The following ROBO2 variants were observed in gnomAD, a reference collection of about 807,000 sequenced individuals.
The protein encoded by ROBO2 is roundabout homolog 2.
In ROBO2, 53 loss-of-function variants were observed where a neutral mutation model predicts 160.8. The observed-to-expected ratio is 0.33, with a 90% CI of 0.26 to 0.41. The LOEUF (loss-of-function observed/expected upper bound fraction) is 0.41, where lower values mean the gene tolerates loss of function less well. Ranked by LOEUF, ROBO2 falls within the 10% of genes least tolerant of loss-of-function variation. The pLI is 1.00. For missense variants in ROBO2, 1,577 were observed against 1,722.4 expected (o/e 0.92, Z 1.49); for synonymous variants, 664 against 611.7 (o/e 1.09, Z -1.26).
intron 2 of ROBO2, among the ~76,000 whole-genome samples, chr3:76,161,549 A>G (rs2072640257): frequency 6.6e-6 from 1 of 152,134 alleles, no homozygotes; most frequent in African/African-American, 2.4e-5. Flanking sequence ...CCCTGCTAAG[A>G]GTGCTCTCAG....
At chr3:77,188,869 A>C (rs2081528928) in intron 2 of ROBO2, among the ~76,000 whole-genome samples, 1 of 151,834 alleles carries the variant, frequency 6.6e-6, no homozygotes. Context: ...ATATTTTCAA[A>C]CAATGCTTGG....
intron 2 of ROBO2, among the ~76,000 whole-genome samples, chr3:76,524,826 T>TAAAAAA (rs58091252): frequency 1.9e-3 from 42 of 21,720 alleles, no homozygotes; most frequent in Non-Finnish European, 2.8e-3. Context: ...CTCTTATTCC[T>TAAAAAA]AAAAAAAAAA....
chr3:77,330,499 C>T (rs1482538444), intron 2 of ROBO2, among the ~76,000 whole-genome samples: 1 of 152,112 alleles, frequency 6.6e-6, no homozygotes, highest in African/African-American at 2.4e-5. Context: ...GCCTGGGCAA[C>T]AGAGTGATTT....
intron 17 of ROBO2, among the ~76,000 whole-genome samples, chr3:77,589,576 G>T (rs1474829741): frequency 6.6e-6 from 1 of 152,060 alleles, no homozygotes; most frequent in African/African-American, 2.4e-5. Context: ...GAAGACCCTA[G>T]ATGGTCTACA....
intron 2 of ROBO2, among the ~76,000 whole-genome samples, chr3:76,919,168 G>A (rs1203749420): frequency 1.3e-5 from 2 of 151,866 alleles, no homozygotes; most frequent in Non-Finnish European, 2.9e-5. Flanking sequence ...TGCACATTCT[G>A]CACATGTACC....
chr3:76,190,328 A>G (rs1012400939), intron 2 of ROBO2, among the ~76,000 whole-genome samples: 1 of 152,126 alleles, frequency 6.6e-6, no homozygotes, highest in African/African-American at 2.4e-5. Flanking sequence ...TCTCTTTTAA[A>G]TTAATATTGA....
chr3:77,121,667 T>C (rs2074786728), intron 2 of ROBO2, among the ~76,000 whole-genome samples: 1 of 152,152 alleles, frequency 6.6e-6, no homozygotes, highest in Non-Finnish European at 1.5e-5. Flanking sequence ...CACCATGCTC[T>C]GTTGAAATTT....
At chr3:76,038,795 T>A (rs2067195988) in intron 2 of ROBO2, among the ~76,000 whole-genome samples, 1 of 48,672 alleles carries the variant, frequency 2.1e-5, no homozygotes, top group African/African-American at 1.5e-4. Context: ...TGTGTGTATG[T>A]ATGTGTGTGT....
At chr3:76,810,255 G>T (rs78775059) in intron 2 of ROBO2, among the ~76,000 whole-genome samples, 3 of 152,064 alleles carry the variant, frequency 2.0e-5, no homozygotes, top group African/African-American at 4.8e-5. Flanking sequence ...GGCAGTCAAC[G>T]TCCTAAGGAA....
chr3:77,125,254 C>A (rs1302136187), intron 2 of ROBO2, among the ~76,000 whole-genome samples: 2 of 152,132 alleles, frequency 1.3e-5, no homozygotes, highest in East Asian at 3.9e-4. Flanking sequence ...CAATCACAGT[C>A]ACATGAGTGT....
chr3:76,446,050 C>A (rs1320288157), intron 2 of ROBO2, among the ~76,000 whole-genome samples: 1 of 152,014 alleles, frequency 6.6e-6, no homozygotes, highest in East Asian at 1.9e-4. Flanking sequence ...GGCAATCAGG[C>A]AGGAGAAAGA....
At chr3:77,291,039 G>C (rs559392650) in intron 2 of ROBO2, among the ~76,000 whole-genome samples, 136 of 149,110 alleles carry the variant, frequency 9.1e-4, no homozygotes, top group African/African-American at 2.9e-3. Flanking sequence ...TAAAATTGAT[G>C]GTTAAACGAG....
chr3:77,520,913 C>A (rs1295489002), intron 5 of ROBO2, among the ~76,000 whole-genome samples: 1 of 151,254 alleles, frequency 6.6e-6, no homozygotes, highest in Admixed American at 6.6e-5. Flanking sequence ...TGTTTATCTG[C>A]ATGCATTTTA....
intron 8 of ROBO2, among the ~76,000 whole-genome samples, chr3:77,552,861 A>G (rs990842036): frequency 7.9e-5 from 12 of 152,006 alleles, no homozygotes; most frequent in African/African-American, 2.7e-4. Flanking sequence ...TTGATTTTTC[A>G]TACAGGTTAA....
At chr3:77,224,623 GTTTC>G (rs772600079) in intron 2 of ROBO2, among the ~76,000 whole-genome samples, 49 of 151,742 alleles carry the variant, frequency 3.2e-4, no homozygotes, top group African/African-American at 5.6e-4. Context: ...AATTGTGTGT[GTTTC>G]TTTGTTTGTT....
chr3:76,502,165 C>A (rs755212673), intron 2 of ROBO2, among the ~76,000 whole-genome samples: 1 of 152,098 alleles, frequency 6.6e-6, no homozygotes, highest in African/African-American at 2.4e-5. Flanking sequence ...AATGCAGAGA[C>A]AGCCCAGAAT....
chr3:77,489,740 C>T (rs1011084611), intron 4 of ROBO2, among the ~76,000 whole-genome samples: 3 of 152,108 alleles, frequency 2.0e-5, no homozygotes, highest in Admixed American at 6.5e-5. Flanking sequence ...TATTGTTTTT[C>T]AATTTATTTT....
chr3:76,877,690 A>G lies in ROBO2; in HGVS notation c.110-220324A>G, dbSNP rs143990434. On this transcript the variant is annotated intron_variant, in intron 2 of 26. Coordinates refer to the ROBO2 transcript ENST00000487694. The stretch of plus-strand genomic sequence containing the variant: ...GCTGTCTTAGTTGGCTCCAGCTGCC[A>G]TAGCAAATTACCATAGACTGGGTGG... Among the ~76,000 whole-genome samples the G allele has an allele frequency of 6.3e-3, 963 of 152,328 alleles. 7 individuals carry two copies. The highest frequency in any genetic ancestry group is 0.022 in the African/African-American group (919 of 41,574).
At chr3:76,309,699 C>T (rs1028007857) in intron 2 of ROBO2, among the ~76,000 whole-genome samples, 1 of 152,116 alleles carries the variant, frequency 6.6e-6, no homozygotes. Flanking sequence ...TATTGTGTCT[C>T]ACTGATTAAG....
Sources: gnomAD v4.1 joint callset for allele counts (sites outside exome capture counted in the v4.1 genomes callset) on GRCh38, gnomAD v4.1.1 for gene constraint, MANE v1.5 for transcripts, NCBI Gene and HGNC (gene_info 2026-07-23, HGNC 2026-07-21) for gene names.